RYR2: variants seen among roughly 807,000 people sequenced by gnomAD.
RYR2 encodes ryanodine receptor 2, also known as cardiac muscle ryanodine receptor-calcium release channel.
RYR2 carries 227 observed loss-of-function variants against 601.1 expected under a neutral mutation model. The observed-to-expected ratio is 0.38, with a 90% CI of 0.34 to 0.42. RYR2 has a LOEUF of 0.42. RYR2 is among the 10% of genes least tolerant of loss of function. The pLI is 1.00. For missense variants in RYR2, 4,646 were observed against 6,156.5 expected (o/e 0.75, Z 8.21); for synonymous variants, 2,223 against 2,175.1 (o/e 1.02, Z -0.61).
intron 24 of RYR2, among the ~76,000 whole-genome samples, chr1:237,524,578 C>T (rs1469295741): frequency 1.3e-5 from 2 of 152,134 alleles, no homozygotes; most frequent in Non-Finnish European, 2.9e-5. Flanking sequence ...TGCAGAATAA[C>T]CTTTAGCAGC....
intron 87 of RYR2, among the ~76,000 whole-genome samples, chr1:237,776,614 T>C (rs1241157482): frequency 6.6e-6 from 1 of 151,900 alleles, no homozygotes; most frequent in Non-Finnish European, 1.5e-5. Flanking sequence ...ATCTAGGCTT[T>C]TTTTACTCTC....
chr1:237,141,658 A>G (rs1179544792), intron 1 of RYR2, among the ~76,000 whole-genome samples: 3 of 152,136 alleles, frequency 2.0e-5, no homozygotes, highest in African/African-American at 7.2e-5. Context: ...ACATATGGGG[A>G]CCTTCTGGGC....
chr1:237,560,795 A>C (rs1015638522), intron 27 of RYR2, among the ~76,000 whole-genome samples: 1 of 152,194 alleles, frequency 6.6e-6, no homozygotes, highest in African/African-American at 2.4e-5. Flanking sequence ...CTCAGCAATA[A>C]AGATTAAAAA....
chr1:237,458,508 T>G (rs895828824), intron 16 of RYR2, among the ~76,000 whole-genome samples: 4 of 152,230 alleles, frequency 2.6e-5, no homozygotes, highest in Non-Finnish European at 5.9e-5. Context: ...CTCTGGTTTC[T>G]TGCCACTAAG....
chr1:237,682,833 A>G (rs1686012332), intron 62 of RYR2, among the ~76,000 whole-genome samples: 1 of 152,218 alleles, frequency 6.6e-6, no homozygotes, highest in South Asian at 2.1e-4. Flanking sequence ...CACATAGAAA[A>G]TGAGGTGCAT....
intron 40 of RYR2, among the ~76,000 whole-genome samples, chr1:237,626,638 C>A (rs1679707995): frequency 8.4e-6 from 1 of 118,598 alleles, no homozygotes; most frequent in Non-Finnish European, 1.6e-5. Context: ...ATCACCCAGG[C>A]TGGAGTGCAG....
chr1:237,371,771 A>G (rs1700661262), intron 6 of RYR2, among the ~76,000 whole-genome samples: 1 of 152,290 alleles, frequency 6.6e-6, no homozygotes, highest in South Asian at 2.1e-4. Flanking sequence ...GCTGGAAACC[A>G]TCATTCTCAG....
intron 64 of RYR2, among the ~76,000 whole-genome samples, 187 bp from the exon 65 acceptor site, chr1:237,700,040 GAT>G (rs1687826337): frequency 6.6e-6 from 1 of 152,142 alleles, no homozygotes; most frequent in Admixed American, 6.5e-5. Flanking sequence ...ATTTGGAAAA[GAT>G]AATTTACAGA....
intron 1 of RYR2, among the ~76,000 whole-genome samples, chr1:237,234,204 T>A (rs1281508983): frequency 6.6e-6 from 1 of 152,178 alleles, no homozygotes; most frequent in Non-Finnish European, 1.5e-5. Context: ...AAGAATCAAG[T>A]CTCTCCCATG....
intron 76 of RYR2, among the ~76,000 whole-genome samples, chr1:237,727,704 T>C (rs1177874956): frequency 6.6e-6 from 1 of 152,128 alleles, no homozygotes; most frequent in Non-Finnish European, 1.5e-5. Context: ...TAAATGTTAG[T>C]CATTATTATT....
intron 67 of RYR2, among the ~76,000 whole-genome samples, chr1:237,706,252 G>A (rs2797440): frequency 0.2 from 31,044 of 151,710 alleles, 3,686 homozygotes; most frequent in East Asian, 0.49. Context: ...TGTCTCAGCA[G>A]CAACAACAAA....
chr1:237,427,179 A>T (rs1026024078), intron 12 of RYR2, among the ~76,000 whole-genome samples: 1 of 152,218 alleles, frequency 6.6e-6, no homozygotes, highest in Non-Finnish European at 1.5e-5. Flanking sequence ...AATAAAAAGA[A>T]GTAAAGTGTT....
At chr1:237,506,344 T>C (rs569952300) in intron 22 of RYR2, among the ~76,000 whole-genome samples, 21 of 152,260 alleles carry the variant, frequency 1.4e-4, no homozygotes, top group Admixed American at 9.2e-4. Context: ...GAAACCATCC[T>C]GGCTAACACG....
chr1:237,652,188 A>T (rs916924180), intron 51 of RYR2, among the ~76,000 whole-genome samples: 1 of 152,220 alleles, frequency 6.6e-6, no homozygotes, highest in Non-Finnish European at 1.5e-5. Context: ...TAATCACATG[A>T]CAGGTTCCAA....
intron 73 of RYR2, 107 bp downstream of exon 73, chr1:237,718,628 C>T: frequency 2.0e-6 from 1 of 500,360 alleles, no homozygotes; most frequent in Non-Finnish European, 3.6e-6. Flanking sequence ...AGGTAATAGA[C>T]ATATTTTAAT....
At chr1:237,164,729 A>G (rs1225350749) in intron 1 of RYR2, among the ~76,000 whole-genome samples, 3 of 152,146 alleles carry the variant, frequency 2.0e-5, no homozygotes, top group African/African-American at 7.2e-5. Flanking sequence ...TGATAGACAT[A>G]GGGTTTCTTT....
intron 76 of RYR2, among the ~76,000 whole-genome samples, chr1:237,729,129 G>A (rs891720680): frequency 5.6e-4 from 85 of 152,082 alleles, no homozygotes; most frequent in African/African-American, 1.9e-3. Flanking sequence ...GTTGATGGCA[G>A]TGGTTTCTGA....
intron 1 of RYR2, among the ~76,000 whole-genome samples, chr1:237,136,923 A>G (rs1282084091): frequency 6.7e-6 from 1 of 150,010 alleles, no homozygotes; most frequent in East Asian, 2.0e-4. Context: ...AGGCTGAGGC[A>G]GGAGAATTGC....
At position 237,634,152 on chromosome 1, in the gene RYR2, C is replaced by T. The variant is rs11585501; in HGVS notation, c.6688+442C>T. 2.6e-5 allele frequency among the ~76,000 whole-genome samples: 4 copies of T among 152,112 alleles called. 1 individual carries two copies. Among genetic ancestry groups the T allele is most frequent in the South Asian group, 2.1e-4 (1 of 4,818 alleles). ...GAATAATCAGTATGTCGAAGAGATA[C>T]GTGTACTTCCATGGTCATTGCAGCA... On this transcript the variant is annotated intron_variant, in intron 43 of 104. Transcript: ENST00000366574.
Sources: allele counts gnomAD v4.1 joint callset (sites outside exome capture counted in the v4.1 genomes callset), GRCh38; gene constraint gnomAD v4.1.1; transcripts MANE v1.5; gene names NCBI Gene and HGNC (gene_info 2026-07-23, HGNC 2026-07-21).